The following MATR3 variants were observed in gnomAD, a reference collection of about 807,000 sequenced individuals.
MATR3 encodes matrin-3.
MATR3 carries 4 observed loss-of-function variants against 85.5 expected under a neutral mutation model. The observed-to-expected ratio is 0.05, with a 90% CI of 0.02 to 0.11. The LOEUF (loss-of-function observed/expected upper bound fraction) is 0.11. Among genes scored for constraint, MATR3 ranks in the 10% least tolerant of loss-of-function variants. MATR3 has a pLI of 1.00. For missense variants in MATR3, 685 were observed against 1,016.1 expected, an observed-to-expected ratio of 0.67 and a Z score of 4.43; for synonymous variants, 336 against 343.1, an observed-to-expected ratio of 0.98 and a Z score of 0.23.
intron 1 of MATR3, among the ~76,000 whole-genome samples, chr5:139,275,799 C>T (rs550292645): frequency 1.2e-4 from 19 of 152,164 alleles, no homozygotes; most frequent in Admixed American, 7.2e-4. Flanking sequence ...GAGAAAGACC[C>T]TGTAATATAA....
At chr5:139,275,008 C>G (rs1753216602) in intron 1 of MATR3, among the ~76,000 whole-genome samples, 1 of 151,618 alleles carries the variant, frequency 6.6e-6, no homozygotes, top group Non-Finnish European at 1.5e-5. Context: ...CGGAGTCTTG[C>G]TCTGTTGCCC....
intron 1 of MATR3, among the ~76,000 whole-genome samples, chr5:139,302,393 G>A (rs547470956): frequency 6.6e-6 from 1 of 152,172 alleles, no homozygotes; most frequent in South Asian, 2.1e-4. Context: ...TAGTTCTTCA[G>A]CATACTTCAA....
At chr5:139,293,422 C>A (rs1263391454), upstream of MATR3, 1 of 152,238 alleles carries the variant, frequency 6.6e-6, no homozygotes, top group Non-Finnish European at 1.5e-5. Context: ...CTAAGGCATA[C>A]CCTATTTAAA....
intron 3 of MATR3, among the ~76,000 whole-genome samples, chr5:139,280,947 A>C (rs1753495176): frequency 6.6e-6 from 1 of 151,930 alleles, no homozygotes; most frequent in South Asian, 2.1e-4. Context: ...TCACCTACTT[A>C]TCCCTGTCGA....
intron 1 of MATR3, among the ~76,000 whole-genome samples, chr5:139,301,198 G>C (rs1754422655): frequency 6.6e-6 from 1 of 152,150 alleles, no homozygotes; most frequent in African/African-American, 2.4e-5. Flanking sequence ...TCACACAGCT[G>C]TTTGTAATAG....
At chr5:139,315,834 A>C (rs1238628315) in intron 4 of MATR3, 96 bp downstream of exon 4, 3 of 1,077,214 alleles carry the variant, frequency 2.8e-6, no homozygotes, top group Non-Finnish European at 2.8e-6. Flanking sequence ...TATTTTCAGA[A>C]TTTCTTTACT....
At chr5:139,296,276 G>A (rs924841665) in intron 1 of MATR3, among the ~76,000 whole-genome samples, 8 of 152,146 alleles carry the variant, frequency 5.3e-5, no homozygotes, top group Non-Finnish European at 1.0e-4. Flanking sequence ...AAACAGTATC[G>A]TAGGTGAAGA....
At chr5:139,312,652 TTTTA>T (rs553113639) in intron 2 of MATR3, 4 of 152,116 alleles carry the variant, frequency 2.6e-5, no homozygotes, top group East Asian at 1.9e-4. Context: ...AGGATTTTAT[TTTTA>T]TTTATTTATT....
chr5:139,295,823 C>CT (rs1277700040), intron 1 of MATR3, among the ~76,000 whole-genome samples: 10 of 151,972 alleles, frequency 6.6e-5, no homozygotes, highest in African/African-American at 2.2e-4. Context: ...GGTCTTGGAT[C>CT]TTTTTTTTCT....
At chr5:139,277,958 G>A (rs1032306022) in intron 2 of MATR3, among the ~76,000 whole-genome samples, 5 of 151,876 alleles carry the variant, frequency 3.3e-5, no homozygotes, top group Middle Eastern at 3.2e-3. Flanking sequence ...GGCCAGGCAC[G>A]GTGGCTCGCA....
chr5:139,282,810 T>C lies in MATR3; in HGVS notation c.-178+3681T>C, dbSNP rs77618995. ...GACAGCTTCTTAGACTTGTTTTTAA[T>C]GACCTTGACAGTTTTGTTTTTTTGT... On this transcript the variant is annotated intron_variant, in intron 3 of 16. Coordinates refer to ENST00000509990, the Ensembl canonical transcript of MATR3. 7.8e-3 allele frequency: 1,182 copies of C among 152,414 alleles called. 11 individuals are homozygous for C. Among genetic ancestry groups the C allele is most frequent in the Non-Finnish European group, 0.011 (753 of 68,100 alleles). The allele number at this position is 152,414 out of a possible 1,614,324, so 9.4% of individuals were successfully genotyped here.
chr5:139,294,141 T>C, intron 1 of MATR3: 2 of 1,074,390 alleles, frequency 1.9e-6, no homozygotes, highest in East Asian at 3.2e-5. Context: ...CCTGGGCTCG[T>C]TGTGGGCGGG....
At chr5:139,297,995 A>G (rs1235413720) in intron 1 of MATR3, among the ~76,000 whole-genome samples, 1 of 152,192 alleles carries the variant, frequency 6.6e-6, no homozygotes, top group Non-Finnish European at 1.5e-5. Flanking sequence ...CAGAGTGCCT[A>G]TGGTAAATGT....
rs190049582 is a variant in MATR3 at position 139,308,034 on chromosome 5, C to T, written c.619C>T (p.Arg207Cys). Residue 207 changes from arginine to cysteine, a missense_variant, in exon 2 of 15, where the codon CGT becomes TGT. By Grantham distance (180) the Arg-to-Cys change is radical. Coordinates refer to ENST00000394805, the MANE Select transcript of MATR3 (RefSeq NM_018834.6). ...AGTGCTTGATTATGACCATGGAAGTCGTTCTCAAGAATCTGGTTATTATGA... is the reference window on the plus strand; with the variant it reads ...AGTGCTTGATTATGACCATGGAAGTTGTTCTCAAGAATCTGGTTATTATGA... ...NPVLDYDHGSRSQESGYYDRM... is the reference protein window; with the variant it reads ...NPVLDYDHGSCSQESGYYDRM... 7 of 1,614,016 alleles carry T rather than the reference C, an allele frequency of 4.3e-6. No homozygotes were observed. The Admixed American group carries it at 8.3e-5, about 19-fold the overall frequency.
chr5:139,302,721 A>C (rs1754515050), intron 1 of MATR3, among the ~76,000 whole-genome samples: 1 of 152,210 alleles, frequency 6.6e-6, no homozygotes, highest in South Asian at 2.1e-4. Context: ...TCTGCCATCT[A>C]TCAGTGACAT....
chr5:139,315,005 G>A (rs749342375), intron 3 of MATR3: 77 of 401,940 alleles, frequency 1.9e-4, no homozygotes, highest in Non-Finnish European at 3.1e-4. Flanking sequence ...ACTAGACATA[G>A]TGAAAGATAG....
At chr5:139,287,169 T>C (rs572130350) in intron 3 of MATR3, among the ~76,000 whole-genome samples, 1 of 152,366 alleles carries the variant, frequency 6.6e-6, no homozygotes, top group South Asian at 2.1e-4. Flanking sequence ...AAAAATGTCA[T>C]TGATGACAGG....
intron 1 of MATR3, among the ~76,000 whole-genome samples, chr5:139,303,972 T>C (rs571634699): frequency 6.7e-4 from 102 of 152,338 alleles, no homozygotes; most frequent in Non-Finnish European, 1.1e-3. Context: ...TTTAGTACTC[T>C]AGTTCTTTTA....
chr5:139,321,580 C>T (rs916675193), intron 9 of MATR3, among the ~76,000 whole-genome samples: 4 of 152,084 alleles, frequency 2.6e-5, no homozygotes, highest in Non-Finnish European at 4.4e-5. Context: ...TCCAGGAGCC[C>T]GAGACCAGTC....
Sources: allele counts gnomAD v4.1 joint callset (sites outside exome capture counted in the v4.1 genomes callset), GRCh38; gene constraint gnomAD v4.1.1; transcripts MANE v1.5; gene names NCBI Gene and HGNC (gene_info 2026-07-23, HGNC 2026-07-21).